CCDC30: variants seen among roughly 807,000 people sequenced by gnomAD.
CCDC30 encodes the protein coiled-coil domain containing 30.
In CCDC30, 70 loss-of-function variants were observed where a neutral mutation model predicts 100.2. The ratio of observed to expected loss-of-function variants is 0.70; its 90% CI spans 0.58 to 0.85. CCDC30 has a LOEUF of 0.85. Ranked by LOEUF, CCDC30 falls within the 40% of genes least tolerant of loss-of-function variation. The pLI is 0.00. For missense variants in CCDC30, 652 were observed against 771.2 expected (o/e 0.85, Z 1.83); for synonymous variants, 233 against 269.5 (o/e 0.86, Z 1.33).
intron 9 of CCDC30, among the ~76,000 whole-genome samples, chr1:42,588,523 G>A (rs1014006207): frequency 4.6e-5 from 7 of 152,164 alleles, no homozygotes; most frequent in African/African-American, 1.4e-4. Flanking sequence ...TAACTCATTA[G>A]GGAGAGTGAA....
chr1:42,467,156 G>T (rs1643616786), intron 1 of CCDC30, among the ~76,000 whole-genome samples: 1 of 152,188 alleles, frequency 6.6e-6, no homozygotes, highest in African/African-American at 2.4e-5. Flanking sequence ...GAGAGACTGG[G>T]AGGAACCAGA....
chr1:42,541,064 C>T (rs542439855), intron 6 of CCDC30, among the ~76,000 whole-genome samples: 1 of 152,296 alleles, frequency 6.6e-6, no homozygotes, highest in Non-Finnish European at 1.5e-5. Context: ...GCTGCTATAA[C>T]ATAATACAAT....
intron 12 of CCDC30, among the ~76,000 whole-genome samples, chr1:42,642,062 A>G (rs1647471151): frequency 6.6e-6 from 1 of 151,954 alleles, no homozygotes; most frequent in South Asian, 2.1e-4. Context: ...CATCTCTACT[A>G]AAAATACAAA....
intron 1 of CCDC30, among the ~76,000 whole-genome samples, chr1:42,467,096 G>A (rs1348019182): frequency 6.6e-6 from 1 of 152,166 alleles, no homozygotes; most frequent in Non-Finnish European, 1.5e-5. Context: ...GGACCAATAA[G>A]TATACTGACA....
chr1:42,488,375 T>A (rs918214955), intron 3 of CCDC30, among the ~76,000 whole-genome samples: 2 of 152,192 alleles, frequency 1.3e-5, no homozygotes, highest in African/African-American at 4.8e-5. Context: ...TGGAGTACAG[T>A]GGCACGATCA....
chr1:42,649,118 T>C (rs1648126714), intron 15 of CCDC30, among the ~76,000 whole-genome samples: 1 of 151,976 alleles, frequency 6.6e-6, no homozygotes, highest in South Asian at 2.1e-4. Context: ...CCACCAAATA[T>C]TTAAAGAAGG....
At chr1:42,566,554 A>G in intron 7 of CCDC30, 79 bp downstream of exon 11, 2 of 1,155,492 alleles carry the variant, frequency 1.7e-6, no homozygotes, top group South Asian at 1.5e-5. Context: ...CCTCTACTTG[A>G]TAATTCATGA....
intron 1 of CCDC30, among the ~76,000 whole-genome samples, chr1:42,466,698 C>T (rs1357156127): frequency 6.6e-6 from 1 of 151,714 alleles, no homozygotes; most frequent in African/African-American, 2.4e-5. Context: ...ATTACAGGCA[C>T]CCGCCACCAT....
At chr1:42,567,875 A>G (rs1248929756) in intron 7 of CCDC30, among the ~76,000 whole-genome samples, 1 of 152,224 alleles carries the variant, frequency 6.6e-6, no homozygotes, top group Non-Finnish European at 1.5e-5. Flanking sequence ...AGGGATGGAT[A>G]AATGATAGCT....
intron 10 of CCDC30, among the ~76,000 whole-genome samples, chr1:42,604,290 T>A (rs1178976557): frequency 6.6e-6 from 1 of 152,174 alleles, no homozygotes; most frequent in Non-Finnish European, 1.5e-5. Flanking sequence ...AGATTCTGTC[T>A]TTTAAAAAAT....
intron 3 of CCDC30, among the ~76,000 whole-genome samples, chr1:42,489,460 A>G (rs1291882795): frequency 6.6e-6 from 1 of 152,200 alleles, no homozygotes; most frequent in African/African-American, 2.4e-5. Context: ...TTACGGATGT[A>G]ATAATAAAAC....
At chr1:42,507,038 T>C (rs1644405543) in intron 6 of CCDC30, among the ~76,000 whole-genome samples, 1 of 152,180 alleles carries the variant, frequency 6.6e-6, no homozygotes, top group Non-Finnish European at 1.5e-5. Context: ...GTGATTCTCC[T>C]GCCTCAGCCT....
At chr1:42,580,379 C>T (rs1570135687) in intron 8 of CCDC30, among the ~76,000 whole-genome samples, 2 of 152,286 alleles carry the variant, frequency 1.3e-5, no homozygotes, top group East Asian at 3.9e-4. Context: ...TCTTAGAAAA[C>T]GGGTGACACC....
chr1:42,594,589 C>G (rs1646249316), intron 10 of CCDC30: 1 of 152,130 alleles, frequency 6.6e-6, no homozygotes, highest in African/African-American at 2.4e-5. Context: ...GCTTAGAAGC[C>G]TGAGGCAGAA....
chr1:42,558,198 A>G (rs906030663), intron 6 of CCDC30: 1 of 227,656 alleles, frequency 4.4e-6, no homozygotes, highest in African/African-American at 2.3e-5. Flanking sequence ...TCCATCCTTC[A>G]AAAGAAGCTA....
chr1:42,547,163 G>A (rs1645161530), intron 6 of CCDC30, among the ~76,000 whole-genome samples: 1 of 152,138 alleles, frequency 6.6e-6, no homozygotes, highest in Admixed American at 6.5e-5. Flanking sequence ...TGACGATGGG[G>A]AAGGGGTATG....
chr1:42,489,099 C>T (rs1644096303), intron 3 of CCDC30, among the ~76,000 whole-genome samples: 1 of 152,206 alleles, frequency 6.6e-6, no homozygotes, highest in South Asian at 2.1e-4. Context: ...TTTACTTTCT[C>T]TCCTTCTTCC....
At chr1:42,488,087 G>A (rs1044790251) in intron 3 of CCDC30, among the ~76,000 whole-genome samples, 1 of 152,040 alleles carries the variant, frequency 6.6e-6, no homozygotes, top group Non-Finnish European at 1.5e-5. Flanking sequence ...ATGGATGTAG[G>A]TATTACCATA....
chr1:42,527,415 T>G (rs940993763), intron 6 of CCDC30, among the ~76,000 whole-genome samples: 2 of 152,194 alleles, frequency 1.3e-5, no homozygotes, highest in African/African-American at 4.8e-5. Flanking sequence ...TTGAACACAT[T>G]ACTTAGCTCT....
Sources: gnomAD v4.1 joint callset for allele counts (sites outside exome capture counted in the v4.1 genomes callset) on GRCh38, gnomAD v4.1.1 for gene constraint, MANE v1.5 for transcripts, NCBI Gene and HGNC (gene_info 2026-07-23, HGNC 2026-07-21) for gene names.